Variants in STAB2 observed in about 807,000 individuals in gnomAD.
The protein encoded by STAB2 is stabilin-2.
STAB2 carries 288 observed loss-of-function variants against 338.1 expected under a neutral mutation model. That is an observed-to-expected ratio of 0.85 (90% CI 0.77 to 0.94). The LOEUF is 0.94. Among genes scored for constraint, STAB2 ranks in the 40% least tolerant of loss-of-function variants. The probability of loss-of-function intolerance (pLI) is 0.00; values close to 1 mark genes in which losing one functional copy is unlikely to be tolerated. For synonymous variants in STAB2, 1,202 were observed against 1,193.3 expected, an observed-to-expected ratio of 1.01 and a Z score of -0.15; for missense variants, 3,141 against 3,210.1, an observed-to-expected ratio of 0.98 and a Z score of 0.52.
intron 34 of STAB2, among the ~76,000 whole-genome samples, chr12:103,702,022 A>G (rs951298360): frequency 8.2e-6 from 1 of 122,332 alleles, no homozygotes; most frequent in Non-Finnish European, 1.8e-5. Context: ...ACACACACAC[A>G]CCCCACCCCA....
At position 103,660,766 on chromosome 12, in the gene STAB2, A is replaced by C; in HGVS notation, c.1869+3A>C. ...TACAGTTCAACACCACCGACAATGT[A>C]AGTGAAAACTCAACCACCACCAGCA... On this transcript the variant is annotated splice_donor_region_variant and intron_variant, in intron 17 of 68. Transcript: ENST00000388887. The C allele has an allele frequency of 6.2e-7, 1 of 1,613,998 alleles. No homozygotes were observed. The highest frequency in any genetic ancestry group is 8.5e-7 in the Non-Finnish European group (1 of 1,179,902).
intron 5 of STAB2, among the ~76,000 whole-genome samples, chr12:103,623,643 A>G (rs1214743148): frequency 6.6e-6 from 1 of 152,202 alleles, no homozygotes; most frequent in Non-Finnish European, 1.5e-5. Flanking sequence ...GGAGCACAAC[A>G]CTGCCAACAC....
chr12:103,703,323 C>CT (rs749117687), intron 35 of STAB2, 47 bp downstream of exon 35: 495 of 1,589,546 alleles, frequency 3.1e-4, no homozygotes, highest in Non-Finnish European at 3.8e-4. Flanking sequence ...TGAATATTGG[C>CT]TTTTTTTTAT....
rs745600717 is a variant in STAB2, at chr12:103,688,196, T to C, written c.3026T>C (p.Ile1009Thr). Reference protein sequence around the residue: ...VELSFLSEAAIFNRWINNASL... With the variant: ...VELSFLSEAATFNRWINNASL... ...TTGTCATTTCTCTCCGAAGCAGCTA[T>C]ATTTAACCGATGGATAAATGTGAGT... is the stretch of plus-strand genomic sequence containing the variant. The change falls in exon 28 of 69, where the codon ATA (isoleucine) becomes ACA (threonine). Residue 1009 changes from isoleucine to threonine, a missense_variant. Transcript: ENST00000388887. The C allele has an allele frequency of 1.9e-6, 3 of 1,613,980 alleles. No homozygotes were observed. The highest frequency in any genetic ancestry group is 2.5e-6 in the Non-Finnish European group (3 of 1,179,820).
chr12:103,750,720 G>A lies in STAB2; in HGVS notation c.6580G>A (p.Asp2194Asn), dbSNP rs1250991142. Residue 2194 changes from aspartate to asparagine, a missense_variant and splice_region_variant, in exon 60 of 69, where the codon GAT (aspartate) becomes AAT (asparagine). Physicochemically the swap from Asp to Asn is conservative, Grantham distance 23. Transcript: ENST00000388887. ...DAKCVDLHFQ[D>N]TTVGVFHLRS... ...CAAATGTGTCGACCTCCACTTCCAG[G>A]GTTAGTGTGACCAGGGCCTATGGCC... is the stretch of plus-strand genomic sequence containing the variant. The A allele has an allele frequency of 6.2e-6, 10 of 1,612,198 alleles. No individual in the cohort carries two copies. The highest frequency in any genetic ancestry group is 8.5e-6 in the Non-Finnish European group (10 of 1,178,464).
At chr12:103,741,703 T>C (rs1222688800) in intron 55 of STAB2, among the ~76,000 whole-genome samples, 1 of 152,212 alleles carries the variant, frequency 6.6e-6, no homozygotes, top group Non-Finnish European at 1.5e-5. Context: ...AGTCCATCCA[T>C]CTTGGCCTCC....
chr12:103,648,602 C>T (rs1424887687), intron 9 of STAB2, 88 bp from the exon 10 acceptor site: 1 of 1,523,244 alleles, frequency 6.6e-7, no homozygotes. Flanking sequence ...ATCCTTTGCT[C>T]CATCTGTTCA....
rs959772705 is a variant in STAB2, at chr12:103,735,404, G to T, written c.5461-87G>T. 3 of 834,384 alleles carry T rather than the reference G, an allele frequency of 3.6e-6. No individual in the cohort carries two copies. In the African/African-American group the frequency reaches 5.2e-5, roughly 14 times the overall value. The allele number at this position is 834,384 out of a possible 1,614,324, so 51.7% of individuals were successfully genotyped here. Reference sequence around the variant, plus strand: ...ATAACTCGTGGAAAAATTTGCATCTGAATTTGGTTTTTTGGTAAAGCTCCT... The same window carrying T: ...ATAACTCGTGGAAAAATTTGCATCTTAATTTGGTTTTTTGGTAAAGCTCCT... On this transcript the variant is annotated intron_variant, in intron 51 of 68. Transcript: ENST00000388887.
chr12:103,726,144 A>G lies in STAB2; in HGVS notation c.4832A>G (p.Gln1611Arg). ...QELPKNPKTS[Q>R]YFFQLQEHFV... ...CTTCCCAAGAACCCGAAAACTTCCC[A>G]GTATTTCTTCCAGTTGCAGGTAGGA... Residue 1611 changes from glutamine (Q) to arginine (R), a missense_variant, in exon 46 of 69, where the codon CAG (glutamine) becomes CGG (arginine). Gln to Arg is a conservative substitution (Grantham distance 43). Transcript: ENST00000388887. The G allele has an allele frequency of 6.2e-7, 1 of 1,614,038 alleles. No homozygotes were observed. Among genetic ancestry groups the G allele is most frequent in the Non-Finnish European group, 8.5e-7 (1 of 1,179,908 alleles).
rs1223214913 is a variant in STAB2, at chr12:103,759,289, G to A, written c.7248+16G>A. The A allele has an allele frequency of 1.9e-6, 3 of 1,611,166 alleles. No individual in the cohort carries two copies. Among genetic ancestry groups the A allele is most frequent in the Admixed American group, 1.7e-5 (1 of 59,386 alleles). ...ACTCCAACCGGTACAAAGTCTTCTG[G>A]GCTTCTTGGGGGAACGGGAGATAAT... On this transcript the variant is annotated intron_variant, in intron 65 of 68. Transcript: ENST00000388887.
At chr12:103,691,929 G>A (rs1877973693) in intron 30 of STAB2, among the ~76,000 whole-genome samples, 1 of 151,056 alleles carries the variant, frequency 6.6e-6, no homozygotes, top group Non-Finnish European at 1.5e-5. Context: ...TGGGTGGGTT[G>A]GATTTTACTT....
intron 28 of STAB2, among the ~76,000 whole-genome samples, 186 bp from the exon 29 acceptor site, chr12:103,689,660 A>G (rs1325394141): frequency 2.6e-5 from 4 of 152,294 alleles, no homozygotes; most frequent in African/African-American, 9.6e-5. Flanking sequence ...AGACTCATAC[A>G]TTGAATTAAG....
At chr12:103,654,494 C>T in intron 12 of STAB2, 61 bp from the exon 13 acceptor site, 3 of 1,531,088 alleles carry the variant, frequency 2.0e-6, no homozygotes, top group Non-Finnish European at 2.6e-6. Context: ...GACTCTACTC[C>T]AGTGCTTGCT....
At chr12:103,616,815 ATAG>A (rs202099969) in intron 3 of STAB2, among the ~76,000 whole-genome samples, 5,761 of 152,302 alleles carry the variant, frequency 0.038, 390 homozygotes, top group African/African-American at 0.13. Context: ...TAAAAAGCAA[ATAG>A]AAGAACTATT....
At position 103,727,264 on chromosome 12, in the gene STAB2, C is replaced by T. The variant is rs1881282657; in HGVS notation, c.4852-3C>T. 2 of 1,614,118 alleles carry T rather than the reference C, an allele frequency of 1.2e-6. No homozygotes were observed. The highest frequency in any genetic ancestry group is 1.6e-4 in the Middle Eastern group (1 of 6,084). On this transcript the variant is annotated splice_region_variant and splice_polypyrimidine_tract_variant and intron_variant, in intron 46 of 68. Transcript: ENST00000388887. ...TGTGTGAGCCTCACCTTTCTTCCCA[C>T]AGGAGCATTTCGTGAAAGATCTGGT...
Position 103,749,079 on chromosome 12 carries a change from T to G in STAB2, c.6361T>G (p.Cys2121Gly), listed in dbSNP as rs1388936067. Residue 2121 changes from cysteine to glycine, a missense_variant, in exon 59 of 69, where the codon TGC (cysteine) becomes GGC (glycine). Physicochemically the swap from Cys to Gly is radical, Grantham distance 159 (BLOSUM62 -3). Coordinates refer to ENST00000388887, the MANE Select transcript of STAB2 (RefSeq NM_017564.10). Reference sequence around the variant, plus strand: ...GGGATACAAAGGGGACGGGCACAGCTGCACAGAGATAGACCCCTGTGCAGA... The same window carrying G: ...GGGATACAAAGGGGACGGGCACAGCGGCACAGAGATAGACCCCTGTGCAGA... Reference protein sequence around the residue: ...QKGYKGDGHSCTEIDPCADGL... With the variant: ...QKGYKGDGHSGTEIDPCADGL... 6.2e-7 allele frequency: 1 copy of G among 1,614,142 alleles called. No homozygotes were observed. Among genetic ancestry groups the G allele is most frequent in the Non-Finnish European group, 8.5e-7 (1 of 1,180,026 alleles).
At chr12:103,684,363 C>T (rs971864883) in intron 26 of STAB2, among the ~76,000 whole-genome samples, 5 of 152,158 alleles carry the variant, frequency 3.3e-5, no homozygotes, top group African/African-American at 1.2e-4. Flanking sequence ...ACCCCTAGTA[C>T]ATGTGCAGGG....
In STAB2 at chr12:103,647,865, A is replaced by T. The variant is rs75286248; in HGVS notation, c.1041-825A>T. Among the ~76,000 whole-genome samples, 698 of 152,258 alleles carry T rather than the reference A, an allele frequency of 4.6e-3. 3 individuals carry two copies. Among genetic ancestry groups the T allele is most frequent in the Middle Eastern group, 0.01 (3 of 294 alleles). On this transcript the variant is annotated intron_variant, in intron 9 of 68. Coordinates refer to ENST00000388887, the MANE Select transcript of STAB2 (RefSeq NM_017564.10). ...TGTGATTTTCATTGTTTACATATTT[A>T]TTTCATAGTTTGTATATTTATTTTC...
At chr12:103,729,414 C>T (rs4469997) in intron 48 of STAB2, among the ~76,000 whole-genome samples, 1 of 151,822 alleles carries the variant, frequency 6.6e-6, no homozygotes, top group Non-Finnish European at 1.5e-5. Context: ...CTCTTTTTTT[C>T]CTTAAAGTAA....
Sources: gnomAD v4.1 joint callset for allele counts (sites outside exome capture counted in the v4.1 genomes callset) on GRCh38, gnomAD v4.1.1 for gene constraint, MANE v1.5 for transcripts, NCBI Gene and HGNC (gene_info 2026-07-23, HGNC 2026-07-21) for gene names.